Variants in IL1RAPL2 observed in about 807,000 individuals in gnomAD.
IL1RAPL2 encodes X-linked interleukin-1 receptor accessory protein-like 2.
IL1RAPL2 carries 3 observed loss-of-function variants against 44.1 expected under a neutral mutation model. The ratio of observed to expected loss-of-function variants is 0.07; its 90% CI spans 0.03 to 0.18. IL1RAPL2 has a LOEUF of 0.18. Among genes scored for constraint, IL1RAPL2 ranks in the 10% least tolerant of loss-of-function variants. The probability of loss-of-function intolerance (pLI) is 1.00; values close to 1 mark genes in which losing one functional copy is unlikely to be tolerated. For missense variants in IL1RAPL2, 391 were observed against 496.4 expected, an observed-to-expected ratio of 0.79 and a Z score of 2.02; for synonymous variants, 181 against 178.8, an observed-to-expected ratio of 1.01 and a Z score of -0.10.
chrX:104,743,520 A>G (rs1239469710), intron 2 of IL1RAPL2, among the ~76,000 whole-genome samples: 1 of 110,635 alleles, frequency 9.0e-6, no homozygotes, highest in Non-Finnish European at 1.9e-5. Flanking sequence ...TATTAATTCA[A>G]AAAACTTCAA....
chrX:105,329,271 A>G (rs1439915195), intron 5 of IL1RAPL2, among the ~76,000 whole-genome samples: 1 of 111,735 alleles, frequency 8.9e-6, no homozygotes, highest in Non-Finnish European at 1.9e-5. Flanking sequence ...ACAAATGAGT[A>G]GAACATGAGA....
intron 1 of IL1RAPL2, among the ~76,000 whole-genome samples, chrX:104,652,945 C>T (rs1930179801): frequency 9.0e-6 from 1 of 110,803 alleles, no homozygotes; most frequent in Non-Finnish European, 1.9e-5. Flanking sequence ...CTTATTTCTT[C>T]CCTTTCCCCT....
At chrX:104,972,641 A>C (rs764573311) in intron 2 of IL1RAPL2, among the ~76,000 whole-genome samples, 25 of 111,761 alleles carry the variant, frequency 2.2e-4, no homozygotes, top group Non-Finnish European at 4.1e-4. Context: ...TTTTGTTCCT[A>C]CCCACACTGG....
chrX:104,940,141 T>A (rs1020824071), intron 2 of IL1RAPL2, among the ~76,000 whole-genome samples: 1 of 111,883 alleles, frequency 8.9e-6, no homozygotes, highest in Non-Finnish European at 1.9e-5. Flanking sequence ...AAAATGATAA[T>A]CACCATTTGG....
At position 105,542,691 on chromosome X, in the gene IL1RAPL2, T is replaced by TTTTATTTATTTA. The variant is rs1225259466; in HGVS notation, c.772+58333_772+58344dup. Among the ~76,000 whole-genome samples, 33 of 96,151 alleles carry TTTTATTTATTTA rather than the reference T, an allele frequency of 3.4e-4. 1 individual carries two copies. Among genetic ancestry groups the TTTTATTTATTTA allele is most frequent in the African/African-American group, 1.3e-3 (31 of 24,668 alleles). The allele number at this position is 96,151 out of a possible 115,157, so 83.5% of individuals were successfully genotyped here. A position where few individuals can be genotyped will look rare whatever the true frequency, so the allele number is the denominator to read the frequency against. ...CTCTTTTTTTTTTATTTTTTATATT[T>TTTTATTTATTTA]TTTATTTATTTATTTATTTATTTAT... On this transcript the variant is annotated intron_variant, in intron 6 of 10. Coordinates refer to ENST00000372582, the MANE Select transcript of IL1RAPL2 (RefSeq NM_017416.2).
chrX:105,582,821 C>T (rs1349889397), intron 6 of IL1RAPL2, among the ~76,000 whole-genome samples: 1 of 110,592 alleles, frequency 9.0e-6, no homozygotes, highest in Non-Finnish European at 1.9e-5. Context: ...TGTAATAACA[C>T]TGCATGGCAT....
chrX:105,120,070 C>T (rs1221253889), intron 2 of IL1RAPL2, among the ~76,000 whole-genome samples: 1 of 109,474 alleles, frequency 9.1e-6, no homozygotes, highest in Non-Finnish European at 1.9e-5. Flanking sequence ...GAACAAGCCT[C>T]AAACCCAGAC....
At chrX:104,993,195 A>C (rs753161073) in intron 2 of IL1RAPL2, among the ~76,000 whole-genome samples, 1 of 111,713 alleles carries the variant, frequency 9.0e-6, no homozygotes, top group African/African-American at 3.2e-5. Context: ...CAAAACCATA[A>C]AATGTTTCTT....
At chrX:104,676,478 C>G in intron 2 of IL1RAPL2, among the ~76,000 whole-genome samples, 1 of 112,171 alleles carries the variant, frequency 8.9e-6, no homozygotes, top group Non-Finnish European at 1.9e-5. Context: ...CACTGTTAGT[C>G]TGATGGGCTT....
At chrX:105,744,685 G>A (rs1203067144) in intron 8 of IL1RAPL2, among the ~76,000 whole-genome samples, 2 of 111,577 alleles carry the variant, frequency 1.8e-5, no homozygotes, top group Non-Finnish European at 3.8e-5. Context: ...ACAGGATCAA[G>A]TTTTGTAACC....
chrX:105,525,346 C>T (rs2036588725), intron 6 of IL1RAPL2, among the ~76,000 whole-genome samples: 1 of 110,019 alleles, frequency 9.1e-6, no homozygotes, highest in Non-Finnish European at 1.9e-5. Context: ...TTTCTCATTA[C>T]TCTGAATTGG....
intron 2 of IL1RAPL2, among the ~76,000 whole-genome samples, chrX:104,935,432 A>G (rs1273770955): frequency 1.8e-5 from 2 of 112,233 alleles, no homozygotes; most frequent in Non-Finnish European, 3.8e-5. Context: ...AGGTATTTGC[A>G]TATTAAAAAC....
intron 2 of IL1RAPL2, among the ~76,000 whole-genome samples, chrX:104,811,331 A>C (rs1164764365): frequency 8.9e-6 from 1 of 112,006 alleles, no homozygotes; most frequent in Non-Finnish European, 1.9e-5. Flanking sequence ...GTAACCCATT[A>C]AGGAATAATT....
intron 6 of IL1RAPL2, among the ~76,000 whole-genome samples, chrX:105,644,498 AG>A (rs2037591951): frequency 8.9e-6 from 1 of 111,750 alleles, no homozygotes; most frequent in South Asian, 3.8e-4. Context: ...GTAAAGAAGT[AG>A]GGACAAAATG....
chrX:105,508,668 CT>C (rs770575995), intron 6 of IL1RAPL2, among the ~76,000 whole-genome samples: 21,288 of 100,113 alleles, frequency 0.21, 6,005 homozygotes, highest in African/African-American at 0.74. Flanking sequence ...AAAATGAAAG[CT>C]TTTTTTTTTT....
intron 1 of IL1RAPL2, among the ~76,000 whole-genome samples, chrX:104,570,944 G>GTT (rs112546510): frequency 2.0e-5 from 2 of 100,887 alleles, no homozygotes; most frequent in African/African-American, 7.2e-5. Flanking sequence ...GCAAACTTTT[G>GTT]TTTTTTTTTT....
intron 2 of IL1RAPL2, among the ~76,000 whole-genome samples, chrX:104,944,501 T>C (rs919574731): frequency 3.6e-5 from 4 of 112,013 alleles, no homozygotes; most frequent in Non-Finnish European, 7.5e-5. Context: ...GATCTTGCTA[T>C]GTGAACTTTA....
chrX:105,044,756 T>G (rs1204626099), intron 2 of IL1RAPL2, among the ~76,000 whole-genome samples: 2 of 111,569 alleles, frequency 1.8e-5, no homozygotes, highest in African/African-American at 6.5e-5. Context: ...CCACTCCTAT[T>G]CTGATTGGAG....
chrX:105,108,771 T>G (rs752030346), intron 2 of IL1RAPL2, among the ~76,000 whole-genome samples: 1 of 111,879 alleles, frequency 8.9e-6, no homozygotes, highest in African/African-American at 3.2e-5. Context: ...TTAACTGAAT[T>G]CAGCATATAT....
Sources: gnomAD v4.1 joint callset for allele counts (sites outside exome capture counted in the v4.1 genomes callset) on GRCh38, gnomAD v4.1.1 for gene constraint, MANE v1.5 for transcripts, NCBI Gene and HGNC (gene_info 2026-07-23, HGNC 2026-07-21) for gene names.